Variants in PRUNE1 observed in about 807,000 individuals in gnomAD.
The protein encoded by PRUNE1 is exopolyphosphatase PRUNE1.
PRUNE1 carries 25 observed loss-of-function variants against 42.5 expected under a neutral mutation model. The ratio of observed to expected loss-of-function variants is 0.59; its 90% CI spans 0.43 to 0.82. PRUNE1 has a LOEUF of 0.82. Ranked by LOEUF, PRUNE1 falls within the 40% of genes least tolerant of loss-of-function variation. The probability of loss-of-function intolerance (pLI) is 0.00; values close to 1 mark genes in which losing one functional copy is unlikely to be tolerated. For missense variants in PRUNE1, 443 were observed against 539.3 expected, an observed-to-expected ratio of 0.82 and a Z score of 1.77; for synonymous variants, 203 against 217.1, an observed-to-expected ratio of 0.93 and a Z score of 0.57.
chr1:151,028,454 G>A (rs1029807207), intron 6 of PRUNE1, among the ~76,000 whole-genome samples: 8 of 150,954 alleles, frequency 5.3e-5, no homozygotes, highest in South Asian at 2.1e-4. Context: ...ACGGAGTTTC[G>A]CTCTTGTCCC....
In PRUNE1 at chr1:151,018,482, G is replaced by A; in HGVS notation, c.148G>A (p.Glu50Lys). The A allele has an allele frequency of 3.1e-6, 5 of 1,612,250 alleles. No individual in the cohort carries two copies. Among genetic ancestry groups the A allele is most frequent in the Non-Finnish European group, 4.2e-6 (5 of 1,178,404 alleles). ...TCCTATCTAGACAACTGAGGCTGAG[G>A]AAGTCTTTGTGCCAGTTTTAAATAT... ...FYLAKTTEAEEVFVPVLNIKR... is the reference protein window; with the variant it reads ...FYLAKTTEAEKVFVPVLNIKR... Residue 50 changes from glutamate (E) to lysine (K), a missense_variant, in exon 3 of 8, where the codon GAA becomes AAA. Transcript: ENST00000271620.
rs1313803525 is a variant in PRUNE1, at chr1:151,022,179, C to T, written c.336-2432C>T. Among the ~76,000 whole-genome samples the T allele has an allele frequency of 4.1e-5, 6 of 147,210 alleles. No individual in the cohort carries two copies. The Admixed American group carries it at 4.2e-4, about 10-fold the overall frequency. ...AGGCTGGAGTGCAATGGCACCATCT[C>T]GGCTCACTGCAGTGAGCCTCCCAGA... On this transcript the variant is annotated intron_variant, in intron 3 of 7. Coordinates refer to ENST00000271620, the MANE Select transcript of PRUNE1 (RefSeq NM_021222.3).
Position 151,008,669 on chromosome 1 carries a change from C to T in PRUNE1, c.37C>T (p.Gln13Ter), listed in dbSNP as rs768116877. ...DYLQGCRAAL[Q>*]ESRPLHVVLG... ...CCTGCAGGGTTGTCGAGCTGCTCTG[C>T]AGGTAACGAATCCCTGTCTGTGACT... The change falls in exon 1 of 8, where the codon CAG (glutamine) becomes TAG (stop). Residue 13 changes from glutamine to a stop codon, truncating the protein, a stop_gained and splice_region_variant. Transcript: ENST00000271620. LOFTEE classifies it high-confidence loss of function. 6.2e-7 allele frequency: 1 copy of T among 1,614,044 alleles called. No individual in the cohort carries two copies.
In PRUNE1 at chr1:151,008,592, C is replaced by A. The variant is rs367784886; in HGVS notation, c.-41C>A. 1.3e-5 allele frequency: 21 copies of A among 1,612,856 alleles called. No homozygotes were observed. In the African/African-American group the frequency reaches 2.4e-4, roughly 18 times the overall value. ...GAAACCTCTCCTCGACCAGGGGCACCTCTACTCGACCAGGGGCGACGGCGT... is the reference window on the plus strand; with the variant it reads ...GAAACCTCTCCTCGACCAGGGGCACATCTACTCGACCAGGGGCGACGGCGT... On this transcript the variant is annotated 5_prime_UTR_variant, in exon 1 of 8. Coordinates refer to ENST00000271620, the MANE Select transcript of PRUNE1 (RefSeq NM_021222.3).
chr1:151,020,112 C>T (rs1481035590), intron 3 of PRUNE1, among the ~76,000 whole-genome samples: 5 of 124,768 alleles, frequency 4.0e-5, no homozygotes, highest in Middle Eastern at 5.2e-3. Flanking sequence ...GGATTACAGG[C>T]GTGAGCCACC....
rs1485456646 is a variant in PRUNE1 at position 151,024,663 on chromosome 1, A to C, written c.388A>C (p.Ile130Leu). 1 of 1,613,732 alleles carries C rather than the reference A, an allele frequency of 6.2e-7. No homozygotes were observed. The highest frequency in any genetic ancestry group is 8.5e-7 in the Non-Finnish European group (1 of 1,179,674). Residue 130 changes from isoleucine to leucine, a missense_variant, in exon 4 of 8, where the codon ATC becomes CTC. Coordinates refer to ENST00000271620, the MANE Select transcript of PRUNE1 (RefSeq NM_021222.3). ...AGCAGAGGTGCTAGACCATCGACCCATCGAGCCGAAACACTGCCCTCCCTG... is the reference window on the plus strand; with the variant it reads ...AGCAGAGGTGCTAGACCATCGACCCCTCGAGCCGAAACACTGCCCTCCCTG... ...AVAEVLDHRPIEPKHCPPCHV... is the reference protein window; with the variant it reads ...AVAEVLDHRPLEPKHCPPCHV...
intron 7 of PRUNE1, among the ~76,000 whole-genome samples, chr1:151,032,985 G>C (rs1195183101): frequency 6.6e-6 from 1 of 151,992 alleles, no homozygotes; most frequent in East Asian, 1.9e-4. Context: ...TGTTGACAAG[G>C]CTGTTCTCGA....
In PRUNE1 at chr1:151,008,476, C is replaced by G; in HGVS notation, c.-157C>G. ...CCGCTTACGCAGTTCCTCCCGGGGT[C>G]GGAGGCCGATTCGCCGTGTGGCGGG... On this transcript the variant is annotated 5_prime_UTR_variant, in exon 1 of 8. Coordinates refer to ENST00000271620, the MANE Select transcript of PRUNE1 (RefSeq NM_021222.3). The G allele has an allele frequency of 2.6e-6, 3 of 1,170,452 alleles. No homozygotes were observed. Among genetic ancestry groups the G allele is most frequent in the Admixed American group, 1.9e-5 (1 of 53,754 alleles). The allele number at this position is 1,170,452 out of a possible 1,614,324, so 72.5% of individuals were successfully genotyped here.
In PRUNE1 at chr1:151,034,711, A is replaced by G. The variant is rs1433573869; in HGVS notation, c.*477A>G. 1 of 159,396 alleles carries G rather than the reference A, an allele frequency of 6.3e-6. No individual in the cohort carries two copies. The highest frequency in any genetic ancestry group is 1.4e-5 in the Non-Finnish European group (1 of 71,584). 9.9% of individuals were successfully genotyped at this position (159,396 alleles called of 1,614,324 possible). A position where few individuals can be genotyped will look rare whatever the true frequency, so the allele number is the denominator to read the frequency against. ...AAAAGAGAGTGCGCTTTGGAAATTTATTCCAGTTTTCAGCCTACAGCAGAT... is the reference window on the plus strand; with the variant it reads ...AAAAGAGAGTGCGCTTTGGAAATTTGTTCCAGTTTTCAGCCTACAGCAGAT... On this transcript the variant is annotated 3_prime_UTR_variant, in exon 8 of 8. Transcript: ENST00000271620.
chr1:151,021,862 T>C (rs1023402140), intron 3 of PRUNE1, among the ~76,000 whole-genome samples: 3 of 151,750 alleles, frequency 2.0e-5, no homozygotes, highest in African/African-American at 7.3e-5. Context: ...GAGATGGGGC[T>C]TCACCATGTT....
chr1:151,011,275 C>G (rs1279514652), intron 1 of PRUNE1, among the ~76,000 whole-genome samples: 1 of 152,010 alleles, frequency 6.6e-6, no homozygotes, highest in Non-Finnish European at 1.5e-5. Context: ...GTATTTGATA[C>G]CACAGAAATT....
chr1:151,027,769 T>TGCGC (rs1351469764), intron 6 of PRUNE1, among the ~76,000 whole-genome samples: 45 of 140,590 alleles, frequency 3.2e-4, no homozygotes, highest in African/African-American at 1.3e-3. Flanking sequence ...TGTGTGTGTG[T>TGCGC]GTGTGTGTGT....
At chr1:151,011,197 G>T (rs1030530907) in intron 1 of PRUNE1, among the ~76,000 whole-genome samples, 7 of 152,146 alleles carry the variant, frequency 4.6e-5, no homozygotes, top group African/African-American at 1.7e-4. Context: ...AATCATGAAT[G>T]CTCCTCTTTG....
intron 7 of PRUNE1, 53 bp downstream of exon 7, chr1:151,028,997 G>A (rs1675059961): frequency 6.5e-7 from 1 of 1,530,682 alleles, no homozygotes. Flanking sequence ...CTGCCTGTAT[G>A]TACCTCTGTG....
intron 3 of PRUNE1, among the ~76,000 whole-genome samples, chr1:151,023,426 A>G (rs1295169228): frequency 3.3e-5 from 5 of 152,220 alleles, no homozygotes; most frequent in Admixed American, 6.5e-5. Flanking sequence ...GGTTATAAAA[A>G]TAGGAGAGAT....
At chr1:151,016,615 T>C (rs1674117360) in intron 1 of PRUNE1, among the ~76,000 whole-genome samples, 1 of 151,878 alleles carries the variant, frequency 6.6e-6, no homozygotes, top group African/African-American at 2.4e-5. Flanking sequence ...AATTCTCCTG[T>C]CTCAGCCTCC....
chr1:151,029,199 A>G (rs911333636), intron 7 of PRUNE1, among the ~76,000 whole-genome samples: 1 of 151,622 alleles, frequency 6.6e-6, no homozygotes, highest in Non-Finnish European at 1.5e-5. Context: ...GGGAATTCCA[A>G]AGAGAACTAG....
chr1:151,017,134 A>T (rs1674153276), intron 1 of PRUNE1, among the ~76,000 whole-genome samples: 1 of 151,340 alleles, frequency 6.6e-6, no homozygotes, highest in South Asian at 2.1e-4. Flanking sequence ...TTTACCTATT[A>T]TGAAAATGGG....
intron 7 of PRUNE1, among the ~76,000 whole-genome samples, 191 bp from the exon 8 acceptor site, chr1:151,033,615 C>A (rs1452399949): frequency 3.3e-5 from 5 of 151,522 alleles, no homozygotes; most frequent in African/African-American, 1.2e-4. Flanking sequence ...TGGTCTCAAT[C>A]TCCTGACCTC....
Sources: allele counts gnomAD v4.1 joint callset (sites outside exome capture counted in the v4.1 genomes callset), GRCh38; gene constraint gnomAD v4.1.1; transcripts MANE v1.5; gene names NCBI Gene and HGNC (gene_info 2026-07-23, HGNC 2026-07-21).